TYW1: variants seen among roughly 807,000 people sequenced by gnomAD.
TYW1 encodes the protein tRNA-yW synthesizing protein 1 homolog, also known as S-adenosyl-L-methionine-dependent tRNA 4-demethylwyosine synthase TYW1.
Under a neutral mutation model 96.2 loss-of-function variants are expected in TYW1, and 46 were observed. That is an observed-to-expected ratio of 0.48 (90% confidence interval 0.38 to 0.61). The LOEUF (loss-of-function observed/expected upper bound fraction) is 0.61. Ranked by LOEUF, TYW1 falls within the 20% of genes least tolerant of loss-of-function variation. TYW1 has a pLI of 0.00. For synonymous variants in TYW1, 274 were observed against 323.0 expected (o/e 0.85, Z 1.63); for missense variants, 684 against 909.6 (o/e 0.75, Z 3.19).
At chr7:67,060,690 T>C (rs1325664188) in intron 9 of TYW1, among the ~76,000 whole-genome samples, 1 of 152,222 alleles carries the variant, frequency 6.6e-6, no homozygotes, top group Non-Finnish European at 1.5e-5. Flanking sequence ...CAGAGGCTAT[T>C]GATTATAAAA....
intron 3 of TYW1, among the ~76,000 whole-genome samples, chr7:67,000,628 C>A (rs1647380830): frequency 6.6e-6 from 1 of 152,024 alleles, no homozygotes; most frequent in Admixed American, 6.6e-5. Context: ...TTTGTAGAGA[C>A]AAGATCTTGC....
intron 11 of TYW1, among the ~76,000 whole-genome samples, chr7:67,090,317 G>A (rs1282817706): frequency 6.6e-6 from 1 of 152,200 alleles, no homozygotes; most frequent in Non-Finnish European, 1.5e-5. Flanking sequence ...GCCAGGAACT[G>A]CATTGTTATG....
At chr7:67,121,898 T>A (rs1364598540) in intron 13 of TYW1, among the ~76,000 whole-genome samples, 1 of 149,018 alleles carries the variant, frequency 6.7e-6, no homozygotes, top group Non-Finnish European at 1.5e-5. Context: ...ATATTGGTAC[T>A]TGAGTATGTG....
intron 15 of TYW1, among the ~76,000 whole-genome samples, chr7:67,208,646 C>T (rs142432287): frequency 0.02 from 2,956 of 148,924 alleles, 81 homozygotes; most frequent in African/African-American, 0.068. Flanking sequence ...GCCGAGATCG[C>T]GCCACTGCAC....
intron 12 of TYW1, among the ~76,000 whole-genome samples, chr7:67,112,100 C>CAAAAAAAGAAAAAAAAAAAA (rs1797429633): frequency 1.1e-5 from 1 of 94,884 alleles, no homozygotes; most frequent in African/African-American, 3.7e-5. Context: ...CTCTGTCTGA[C>CAAAAAAAGAAAAAAAAAAAA]AAAAAAAAAA....
chr7:67,037,206 T>C (rs1584489429), intron 7 of TYW1, among the ~76,000 whole-genome samples: 1 of 152,216 alleles, frequency 6.6e-6, no homozygotes. Context: ...GGGCTCACCA[T>C]GAGTAACAAA....
intron 7 of TYW1, among the ~76,000 whole-genome samples, chr7:67,028,912 T>C (rs1302036419): frequency 1.3e-5 from 2 of 152,264 alleles, no homozygotes; most frequent in Non-Finnish European, 2.9e-5. Context: ...TGGAATATTG[T>C]TGTGTGGCTC....
intron 13 of TYW1, among the ~76,000 whole-genome samples, chr7:67,134,362 G>C (rs972085440): frequency 3.9e-5 from 6 of 151,944 alleles, no homozygotes; most frequent in African/African-American, 1.5e-4. Context: ...GGACAACATG[G>C]TGAAACCCTG....
At chr7:67,083,169 C>T (rs565554718) in intron 10 of TYW1, among the ~76,000 whole-genome samples, 66 of 152,282 alleles carry the variant, frequency 4.3e-4, no homozygotes, top group African/African-American at 1.6e-3. Flanking sequence ...CAGCAGAGAG[C>T]GTTCTGTCAA....
intron 12 of TYW1, among the ~76,000 whole-genome samples, chr7:67,111,359 C>T (rs1797400648): frequency 6.6e-6 from 1 of 152,078 alleles, no homozygotes; most frequent in Non-Finnish European, 1.5e-5. Flanking sequence ...ATGTGGCACT[C>T]CTGGCTAATT....
intron 13 of TYW1, among the ~76,000 whole-genome samples, chr7:67,175,318 T>C (rs965704551): frequency 6.6e-6 from 1 of 152,080 alleles, no homozygotes; most frequent in Non-Finnish European, 1.5e-5. Context: ...ACTACAGGCA[T>C]GTGCCATCAT....
chr7:67,098,758 A>C, intron 12 of TYW1, 40 bp downstream of exon 12: 5 of 1,526,272 alleles, frequency 3.3e-6, no homozygotes, highest in Non-Finnish European at 4.4e-6. Flanking sequence ...GCTTGAATCT[A>C]TGTTTCACTG....
At chr7:67,163,227 A>G (rs886939206) in intron 13 of TYW1, among the ~76,000 whole-genome samples, 10 of 152,146 alleles carry the variant, frequency 6.6e-5, no homozygotes, top group Non-Finnish European at 1.5e-4. Flanking sequence ...ATTGCTCCAT[A>G]CTACTCATTT....
chr7:67,013,728 T>C (rs1793899316), intron 4 of TYW1, among the ~76,000 whole-genome samples: 1 of 148,482 alleles, frequency 6.7e-6, no homozygotes. Flanking sequence ...GCCATCTCTC[T>C]GCATTTTTTC....
chr7:67,205,659 C>T (rs1487581628), intron 15 of TYW1, among the ~76,000 whole-genome samples: 1 of 152,008 alleles, frequency 6.6e-6, no homozygotes, highest in African/African-American at 2.4e-5. Flanking sequence ...CTAGGTTCCC[C>T]ACTCAGTATT....
At chr7:67,127,280 T>C (rs187271411) in intron 13 of TYW1, among the ~76,000 whole-genome samples, 1 of 151,700 alleles carries the variant, frequency 6.6e-6, no homozygotes, top group Admixed American at 6.6e-5. Context: ...TACCTCAGCC[T>C]CCCAAGTAGC....
At chr7:67,148,034 C>T (rs907806757) in intron 13 of TYW1, among the ~76,000 whole-genome samples, 7 of 150,938 alleles carry the variant, frequency 4.6e-5, no homozygotes, top group South Asian at 2.1e-4. Context: ...TGGAGATGGA[C>T]GGCAGATTGT....
chr7:67,160,054 A>G (rs992330004), intron 13 of TYW1, among the ~76,000 whole-genome samples: 36 of 152,122 alleles, frequency 2.4e-4, no homozygotes, highest in Non-Finnish European at 1.6e-4. Context: ...AGCCCGCCTC[A>G]GCCTCCCAAA....
At chr7:67,016,248 T>A (rs1291151209) in intron 5 of TYW1, among the ~76,000 whole-genome samples, 1 of 150,320 alleles carries the variant, frequency 6.7e-6, no homozygotes, top group Admixed American at 6.7e-5. Context: ...TGGGGAGTTT[T>A]TTTTAAAAGC....
Sources: allele counts gnomAD v4.1 joint callset (sites outside exome capture counted in the v4.1 genomes callset), GRCh38; gene constraint gnomAD v4.1.1; transcripts MANE v1.5; gene names NCBI Gene and HGNC (gene_info 2026-07-23, HGNC 2026-07-21).